Variants in COL6A5 observed in about 807,000 individuals in gnomAD.
COL6A5 encodes collagen alpha-5(VI) chain.
In COL6A5, 48 loss-of-function variants were observed where a neutral mutation model predicts 65.6. The ratio of observed to expected loss-of-function variants is 0.73; its 90% CI spans 0.58 to 0.93. The LOEUF is 0.93. COL6A5 is among the 40% of genes least tolerant of loss of function. The probability of loss-of-function intolerance (pLI) is 0.00; values close to 1 mark genes in which losing one functional copy is unlikely to be tolerated. For synonymous variants in COL6A5, 291 were observed against 322.8 expected (o/e 0.90, Z 1.05); for missense variants, 914 against 928.3 (o/e 0.98, Z 0.20).
chr3:130,440,467 T>A, exon 3 of COL6A5: 1 of 1,613,694 alleles, frequency 6.2e-7, no homozygotes. Flanking sequence ...TAATGAAGAA[T>A]CACATCCAGA....
intron 5 of COL6A5, among the ~76,000 whole-genome samples, chr3:130,385,729 G>A (rs1333894211): frequency 6.6e-6 from 1 of 151,974 alleles, no homozygotes. Flanking sequence ...CAGTGTTTGT[G>A]TGTGCACAGG....
chr3:130,348,656 T>A (rs1407565040), intron 1 of COL6A5, among the ~76,000 whole-genome samples: 1 of 152,176 alleles, frequency 6.6e-6, no homozygotes, highest in Non-Finnish European at 1.5e-5. Flanking sequence ...GATCGCTGAG[T>A]CAATTGGTAT....
chr3:130,347,165 T>A (rs1390770193), intron 1 of COL6A5, among the ~76,000 whole-genome samples: 1 of 152,180 alleles, frequency 6.6e-6, no homozygotes, highest in Non-Finnish European at 1.5e-5. Flanking sequence ...TTGGAGACTC[T>A]GGAGCAAATT....
At chr3:130,373,301 G>C (rs185447850) in intron 1 of COL6A5, among the ~76,000 whole-genome samples, 9 of 152,214 alleles carry the variant, frequency 5.9e-5, no homozygotes, top group Admixed American at 2.6e-4. Context: ...CAAGCCATTT[G>C]GTGCTTCAGT....
At chr3:130,352,487 A>C (rs1318438651) in intron 1 of COL6A5, among the ~76,000 whole-genome samples, 1 of 152,156 alleles carries the variant, frequency 6.6e-6, no homozygotes, top group Non-Finnish European at 1.5e-5. Flanking sequence ...CTCTCTATCT[A>C]GATTTTAAAG....
Position 130,401,870 on chromosome 3 carries a change from G to C in COL6A5, c.4227+16G>C, listed in dbSNP as rs781284104. 292 of 1,534,204 alleles carry C rather than the reference G, an allele frequency of 1.9e-4. No homozygotes were observed. The highest frequency in any genetic ancestry group is 1.1e-3 in the Admixed American group (54 of 50,956). On this transcript the variant is annotated intron_variant and NMD_transcript_variant, in intron 12 of 41. Coordinates refer to the COL6A5 transcript ENST00000312481. ...AGCCATGAAGGTGCCACTCACCTGT[G>C]ATACTATTTTATCTAATGTGCCTTG...
chr3:130,473,732 C>T (rs537566315), intron 7 of COL6A5, among the ~76,000 whole-genome samples: 2 of 152,120 alleles, frequency 1.3e-5, no homozygotes, highest in African/African-American at 4.8e-5. Flanking sequence ...ACATCTGAAG[C>T]CTGTTAGTAA....
upstream of COL6A5, among the ~76,000 whole-genome samples, chr3:130,427,078 A>C (rs1039474948): frequency 6.6e-6 from 1 of 152,198 alleles, no homozygotes; most frequent in African/African-American, 2.4e-5. Context: ...TTAGGTTATA[A>C]TATATCATCT....
chr3:130,366,632 T>C (rs992299159), intron 1 of COL6A5, among the ~76,000 whole-genome samples: 2 of 152,252 alleles, frequency 1.3e-5, no homozygotes, highest in African/African-American at 4.8e-5. Context: ...GACTTTAGAG[T>C]ATATCAAGGG....
At chr3:130,364,266 A>G (rs1003745377) in intron 1 of COL6A5, among the ~76,000 whole-genome samples, 1 of 152,158 alleles carries the variant, frequency 6.6e-6, no homozygotes, top group Admixed American at 6.5e-5. Context: ...CTTAGAAATA[A>G]ATGCATATGA....
At chr3:130,440,543 C>A in exon 3 of COL6A5, 2 of 1,613,614 alleles carry the variant, frequency 1.2e-6, no homozygotes, top group Non-Finnish European at 1.7e-6. Flanking sequence ...CACTGAAAAT[C>A]TTTTTCCAGA....
At chr3:130,460,486 T>G (rs1391080062) in intron 5 of COL6A5, among the ~76,000 whole-genome samples, 1 of 152,170 alleles carries the variant, frequency 6.6e-6, no homozygotes, top group African/African-American at 2.4e-5. Flanking sequence ...TTGATGTTGC[T>G]TCTGTATGTT....
intron 1 of COL6A5, among the ~76,000 whole-genome samples, chr3:130,362,497 A>G (rs533864492): frequency 1.7e-4 from 26 of 151,890 alleles, no homozygotes; most frequent in African/African-American, 6.0e-4. Flanking sequence ...TGATTTGTCT[A>G]TTCTTTCACC....
At chr3:130,410,377 C>T (rs1937134944) in intron 19 of COL6A5, 94 bp from the exon 20 acceptor site, 1 of 871,816 alleles carries the variant, frequency 1.1e-6, no homozygotes, top group African/African-American at 1.7e-5. Context: ...TTTATTCTGC[C>T]ATTTTAATAG....
intron 1 of COL6A5, among the ~76,000 whole-genome samples, chr3:130,364,338 A>G (rs1000827229): frequency 6.6e-6 from 1 of 152,226 alleles, no homozygotes; most frequent in Non-Finnish European, 1.5e-5. Flanking sequence ...CTAACCTACT[A>G]TATCCTTTAA....
chr3:130,474,541 A>T, intron 7 of COL6A5, among the ~76,000 whole-genome samples: 2 of 152,246 alleles, frequency 1.3e-5, no homozygotes, highest in East Asian at 3.9e-4. Flanking sequence ...AGTATGCTCT[A>T]TAGGTAAAGG....
intron 8 of COL6A5, among the ~76,000 whole-genome samples, chr3:130,395,886 CGTGTGTGT>C (rs10590917): frequency 6.7e-6 from 1 of 150,184 alleles, no homozygotes; most frequent in East Asian, 1.9e-4. Flanking sequence ...GTAAGGGACT[CGTGTGTGT>C]GTGTGTGTGT....
chr3:130,429,985 A>G (rs1199576558), upstream of COL6A5, among the ~76,000 whole-genome samples: 1 of 152,056 alleles, frequency 6.6e-6, no homozygotes, highest in Non-Finnish European at 1.5e-5. Context: ...CATCTCACTG[A>G]GTGCCCACTA....
intron 23 of COL6A5, 120 bp from the exon 24 acceptor site, chr3:130,416,637 T>G: frequency 1.5e-6 from 1 of 677,462 alleles, no homozygotes; most frequent in Non-Finnish European, 2.6e-6. Flanking sequence ...TGGCTGGATC[T>G]TTTGTTAAGG....
Sources: allele counts gnomAD v4.1 joint callset (sites outside exome capture counted in the v4.1 genomes callset), GRCh38; gene constraint gnomAD v4.1.1; transcripts MANE v1.5; gene names NCBI Gene and HGNC (gene_info 2026-07-23, HGNC 2026-07-21).